The following RAPGEF5 variants were observed in gnomAD, a reference collection of about 807,000 sequenced individuals.
The protein encoded by RAPGEF5 is Rap guanine nucleotide exchange factor 5.
RAPGEF5 carries 65 observed loss-of-function variants against 125.2 expected under a neutral mutation model. That is an observed-to-expected ratio of 0.52 (90% CI 0.43 to 0.64). The LOEUF (loss-of-function observed/expected upper bound fraction) is 0.64, where lower values mean the gene tolerates loss of function less well. Ranked by LOEUF, RAPGEF5 falls within the 30% of genes least tolerant of loss-of-function variation. RAPGEF5 has a pLI of 0.00. For synonymous variants in RAPGEF5, 391 were observed against 385.9 expected, an observed-to-expected ratio of 1.01 and a Z score of -0.16; for missense variants, 958 against 1,048.1, an observed-to-expected ratio of 0.91 and a Z score of 1.19.
chr7:22,155,534 T>C (rs3807525), intron 16 of RAPGEF5, among the ~76,000 whole-genome samples: 18,687 of 152,220 alleles, frequency 0.12, 1,225 homozygotes, highest in South Asian at 0.17. Flanking sequence ...TGCAGTTTAA[T>C]TGGCACCACA....
At chr7:22,190,950 G>A (rs757936715) in intron 11 of RAPGEF5, among the ~76,000 whole-genome samples, 27 of 152,066 alleles carry the variant, frequency 1.8e-4, no homozygotes, top group Non-Finnish European at 3.2e-4. Flanking sequence ...TCCGTAAAAG[G>A]GGCGCTCAAG....
intron 1 of RAPGEF5, among the ~76,000 whole-genome samples, chr7:22,347,284 T>C (rs1243834977): frequency 2.0e-5 from 3 of 152,176 alleles, no homozygotes; most frequent in Non-Finnish European, 4.4e-5. Context: ...ATTGTTAATA[T>C]AATCTTAATT....
At chr7:22,134,896 G>A (rs1381419766) in intron 23 of RAPGEF5, among the ~76,000 whole-genome samples, 1 of 152,218 alleles carries the variant, frequency 6.6e-6, no homozygotes, top group Non-Finnish European at 1.5e-5. Flanking sequence ...CGGCTTGGAT[G>A]ACGCATCTGT....
intron 24 of RAPGEF5, among the ~76,000 whole-genome samples, chr7:22,129,363 G>A (rs1037099636): frequency 2.6e-5 from 4 of 152,300 alleles, no homozygotes; most frequent in African/African-American, 9.6e-5. Flanking sequence ...GGCCTTTCCA[G>A]GGAATTCCAC....
intron 11 of RAPGEF5, among the ~76,000 whole-genome samples, chr7:22,177,395 C>T (rs1784541744): frequency 6.6e-6 from 1 of 152,042 alleles, no homozygotes; most frequent in South Asian, 2.1e-4. Context: ...CCTACTCAAA[C>T]TTTATTTTGT....
chr7:22,299,437 T>C (rs1252521809), intron 5 of RAPGEF5, among the ~76,000 whole-genome samples: 2 of 152,176 alleles, frequency 1.3e-5, no homozygotes, highest in Non-Finnish European at 2.9e-5. Context: ...CCAATTATCT[T>C]TTGTTATAAT....
intron 7 of RAPGEF5, among the ~76,000 whole-genome samples, chr7:22,263,717 G>A (rs1198018582): frequency 6.7e-5 from 10 of 148,208 alleles, no homozygotes; most frequent in Admixed American, 2.7e-4. Flanking sequence ...GCGACAGAGC[G>A]AGACTCCATC....
At chr7:22,289,773 G>C (rs1782887645) in intron 6 of RAPGEF5, among the ~76,000 whole-genome samples, 1 of 152,148 alleles carries the variant, frequency 6.6e-6, no homozygotes, top group Admixed American at 6.5e-5. Context: ...GAGAGATCTG[G>C]GGGGAAGTGA....
intron 7 of RAPGEF5, among the ~76,000 whole-genome samples, 194 bp from the exon 8 acceptor site, chr7:22,231,113 T>C (rs990219482): frequency 1.3e-5 from 2 of 152,232 alleles, no homozygotes; most frequent in Non-Finnish European, 2.9e-5. Flanking sequence ...TATTATCTCA[T>C]GTATTAAATC....
chr7:22,146,319 T>C (rs1164651533), intron 19 of RAPGEF5, among the ~76,000 whole-genome samples: 1 of 152,206 alleles, frequency 6.6e-6, no homozygotes, highest in Admixed American at 6.5e-5. Flanking sequence ...TCTGGACAAA[T>C]GTATTCATGA....
At chr7:22,290,441 T>C (rs903381905) in intron 6 of RAPGEF5, among the ~76,000 whole-genome samples, 11 of 152,148 alleles carry the variant, frequency 7.2e-5, no homozygotes, top group Admixed American at 3.9e-4. Flanking sequence ...GTCTAATCAA[T>C]AGCTTTAAAA....
intron 8 of RAPGEF5, among the ~76,000 whole-genome samples, chr7:22,222,712 G>C (rs1785821905): frequency 6.6e-6 from 1 of 152,166 alleles, no homozygotes; most frequent in African/African-American, 2.4e-5. Context: ...GGAAGGTTTT[G>C]AACAGAGAAT....
chr7:22,334,623 T>C (rs1783991165), intron 1 of RAPGEF5, among the ~76,000 whole-genome samples: 1 of 152,254 alleles, frequency 6.6e-6, no homozygotes, highest in African/African-American at 2.4e-5. Flanking sequence ...TATGTATACA[T>C]ATAAGATCAC....
At chr7:22,163,241 G>A (rs116368147) in intron 12 of RAPGEF5, among the ~76,000 whole-genome samples, 3 of 141,928 alleles carry the variant, frequency 2.1e-5, no homozygotes, top group African/African-American at 8.1e-5. Flanking sequence ...AAAATAAAAT[G>A]AAAATTATTT....
intron 11 of RAPGEF5, among the ~76,000 whole-genome samples, chr7:22,171,078 A>G (rs931374180): frequency 4.6e-5 from 7 of 151,918 alleles, no homozygotes; most frequent in Admixed American, 2.6e-4. Flanking sequence ...GGTATGAATG[A>G]AAATACTATA....
chr7:22,169,369 T>C (rs1236201415), intron 11 of RAPGEF5, among the ~76,000 whole-genome samples: 1 of 152,240 alleles, frequency 6.6e-6, no homozygotes, highest in Admixed American at 6.5e-5. Context: ...TGCCTTTCAT[T>C]ACAGTTTTTA....
chr7:22,356,047 CG>C (rs1784414223), intron 1 of RAPGEF5: 1 of 985,236 alleles, frequency 1.0e-6, no homozygotes, highest in Admixed American at 6.2e-5. Flanking sequence ...GAGGCCCTGG[CG>C]GGGCCTCCTA....
At chr7:22,262,770 C>T (rs1352371386) in intron 7 of RAPGEF5, among the ~76,000 whole-genome samples, 1 of 152,164 alleles carries the variant, frequency 6.6e-6, no homozygotes, top group African/African-American at 2.4e-5. Context: ...AGCACTCAGC[C>T]TGAGCAACGT....
chr7:22,235,613 T>TGGGTTG (rs1323115800), intron 7 of RAPGEF5, among the ~76,000 whole-genome samples: 2 of 152,204 alleles, frequency 1.3e-5, no homozygotes, highest in African/African-American at 4.8e-5. Flanking sequence ...ACATGTTCTG[T>TGGGTTG]GGGTTGTGGA....
Sources: gnomAD v4.1 joint callset for allele counts (sites outside exome capture counted in the v4.1 genomes callset) on GRCh38, gnomAD v4.1.1 for gene constraint, MANE v1.5 for transcripts, NCBI Gene and HGNC (gene_info 2026-07-23, HGNC 2026-07-21) for gene names.